Variants in RBM33 observed in about 807,000 individuals in gnomAD.
The protein encoded by RBM33 is RNA binding motif protein 33, also known as RNA-binding protein 33.
RBM33 carries 28 observed loss-of-function variants against 132.6 expected under a neutral mutation model. The ratio of observed to expected loss-of-function variants is 0.21; its 90% CI spans 0.16 to 0.29. The LOEUF (loss-of-function observed/expected upper bound fraction) is 0.29. RBM33 is among the 10% of genes least tolerant of loss of function. The probability of loss-of-function intolerance (pLI) is 1.00; values close to 1 mark genes in which losing one functional copy is unlikely to be tolerated. For missense variants in RBM33, 1,291 were observed against 1,518.5 expected, an observed-to-expected ratio of 0.85 and a Z score of 2.49; for synonymous variants, 634 against 593.0, an observed-to-expected ratio of 1.07 and a Z score of -1.01.
intron 6 of RBM33, among the ~76,000 whole-genome samples, chr7:155,706,010 T>C (rs889400158): frequency 2.6e-5 from 4 of 152,262 alleles, no homozygotes; most frequent in African/African-American, 4.8e-5. Context: ...TTATTCTTTA[T>C]GAAATCACCT....
chr7:155,714,550 A>G (rs1800403597), intron 8 of RBM33, among the ~76,000 whole-genome samples: 1 of 152,190 alleles, frequency 6.6e-6, no homozygotes, highest in Non-Finnish European at 1.5e-5. Context: ...GTGCTGGGGC[A>G]TGTCAGCTGG....
At chr7:155,667,094 C>T (rs1181454896) in intron 2 of RBM33, among the ~76,000 whole-genome samples, 1 of 152,096 alleles carries the variant, frequency 6.6e-6, no homozygotes, top group Non-Finnish European at 1.5e-5. Context: ...ATTTTCTTTC[C>T]TGTACCATTT....
chr7:155,699,058 A>G (rs927197765), intron 5 of RBM33, among the ~76,000 whole-genome samples: 52 of 152,272 alleles, frequency 3.4e-4, no homozygotes, highest in African/African-American at 1.2e-3. Context: ...TAGATTTCTT[A>G]GATGGAGATT....
chr7:155,676,100 C>T (rs543451678), intron 3 of RBM33, among the ~76,000 whole-genome samples: 14 of 152,182 alleles, frequency 9.2e-5, no homozygotes, highest in South Asian at 6.2e-4. Context: ...GGGGTCCCCA[C>T]GAAATGCACA....
chr7:155,647,343 G>A (rs73736009), intron 1 of RBM33, among the ~76,000 whole-genome samples: 5,705 of 152,240 alleles, frequency 0.037, 353 homozygotes, highest in African/African-American at 0.13. Context: ...TAAGTGGTTA[G>A]TATTTATTGA....
intron 5 of RBM33, among the ~76,000 whole-genome samples, chr7:155,688,548 T>G (rs1799542282): frequency 6.6e-6 from 1 of 152,228 alleles, no homozygotes; most frequent in Non-Finnish European, 1.5e-5. Flanking sequence ...CATCCCTGTC[T>G]TGTGGCAGTT....
At chr7:155,748,176 ATTAC>A (rs1180665242) in intron 14 of RBM33, among the ~76,000 whole-genome samples, 1 of 152,242 alleles carries the variant, frequency 6.6e-6, no homozygotes, top group Admixed American at 6.5e-5. Context: ...TAGTTTTACG[ATTAC>A]TTACTTAATG....
intron 8 of RBM33, 41 bp downstream of exon 8, chr7:155,711,496 C>T: frequency 7.8e-7 from 1 of 1,283,578 alleles, no homozygotes; most frequent in Non-Finnish European, 1.0e-6. Flanking sequence ...TAGATGGCCC[C>T]AGCTTCCAAT....
intron 14 of RBM33, chr7:155,746,679 A>G (rs947188203): frequency 6.6e-6 from 1 of 152,204 alleles, no homozygotes; most frequent in African/African-American, 2.4e-5. Flanking sequence ...AGTAGCTCTC[A>G]TCTGTTGTTT....
chr7:155,676,501 A>T (rs1405830194), intron 3 of RBM33, among the ~76,000 whole-genome samples: 1 of 152,168 alleles, frequency 6.6e-6, no homozygotes, highest in Non-Finnish European at 1.5e-5. Context: ...TGGCTATTCC[A>T]TGAAGGTTTT....
chr7:155,707,840 A>G (rs1178364630), intron 7 of RBM33, among the ~76,000 whole-genome samples: 1 of 152,184 alleles, frequency 6.6e-6, no homozygotes, highest in Non-Finnish European at 1.5e-5. Flanking sequence ...AAATATTTTT[A>G]GTAGAGACTG....
intron 11 of RBM33, chr7:155,738,621 T>C (rs1369946874): frequency 2.6e-5 from 15 of 566,072 alleles, no homozygotes; most frequent in Non-Finnish European, 4.6e-5. Flanking sequence ...TTTTGGGAAT[T>C]GAAAAATGCT....
intron 14 of RBM33, among the ~76,000 whole-genome samples, chr7:155,747,216 A>G (rs1238309574): frequency 2.0e-5 from 3 of 152,236 alleles, no homozygotes; most frequent in South Asian, 2.1e-4. Flanking sequence ...TTGTTTTCAT[A>G]TTATATGAAT....
At chr7:155,710,687 C>T (rs2116975860) in intron 7 of RBM33, among the ~76,000 whole-genome samples, 1 of 152,262 alleles carries the variant, frequency 6.6e-6, no homozygotes, top group South Asian at 2.1e-4. Context: ...GTCACCCTCT[C>T]AGAGAAGCTC....
At position 155,680,817 on chromosome 7, in the gene RBM33, A is replaced by T; in HGVS notation, c.476A>T (p.Gln159Leu). 1 of 1,613,916 alleles carries T rather than the reference A, an allele frequency of 6.2e-7. No homozygotes were observed. The highest frequency in any genetic ancestry group is 1.1e-5 in the South Asian group (1 of 91,076). Residue 159 changes from glutamine (Q) to leucine (L), a missense_variant, in exon 5 of 18, where the codon CAA becomes CTA. Coordinates refer to ENST00000401878, the MANE Select transcript of RBM33 (RefSeq NM_053043.3). ...CACGAAGCTGAGTTGACAGAAGACC[A>T]AATAGAATATGTGGAAGAGCCAGAG... ...EGHEAELTED[Q>L]IEYVEEPEEE...
Position 155,718,457 on chromosome 7 carries a change from G to C in RBM33, c.1260+14G>C. On this transcript the variant is annotated intron_variant, in intron 9 of 17. Coordinates refer to ENST00000401878, the MANE Select transcript of RBM33 (RefSeq NM_053043.3). Reference sequence around the variant, plus strand: ...CAGAGATTCCCAGTGAGTAGCAGCTGCTCCTTCTCCTTTGATAGGGATGAG... The same window carrying C: ...CAGAGATTCCCAGTGAGTAGCAGCTCCTCCTTCTCCTTTGATAGGGATGAG... The C allele has an allele frequency of 6.2e-7, 1 of 1,611,520 alleles. No homozygotes were observed. The highest frequency in any genetic ancestry group is 8.5e-7 in the Non-Finnish European group (1 of 1,177,800).
intron 1 of RBM33, among the ~76,000 whole-genome samples, chr7:155,655,544 T>G (rs1430890449): frequency 6.8e-6 from 1 of 147,876 alleles, no homozygotes; most frequent in African/African-American, 2.5e-5. Context: ...CTTTTTTTTT[T>G]TTTTTTTTTT....
chr7:155,653,788 C>G (rs1340063023), intron 1 of RBM33, among the ~76,000 whole-genome samples: 1 of 152,034 alleles, frequency 6.6e-6, no homozygotes, highest in Non-Finnish European at 1.5e-5. Flanking sequence ...TTTCCTGAGT[C>G]CTGTGAATTG....
intron 10 of RBM33, 65 bp downstream of exon 10, chr7:155,737,727 A>G (rs1801177099): frequency 6.9e-7 from 1 of 1,453,532 alleles, no homozygotes; most frequent in Non-Finnish European, 9.1e-7. Context: ...GCCCAAACAC[A>G]TTTATTTTGT....
Sources: allele counts gnomAD v4.1 joint callset (sites outside exome capture counted in the v4.1 genomes callset), GRCh38; gene constraint gnomAD v4.1.1; transcripts MANE v1.5; gene names NCBI Gene and HGNC (gene_info 2026-07-23, HGNC 2026-07-21).